CCDC92: variants seen among roughly 807,000 people sequenced by gnomAD.
The protein encoded by CCDC92 is coiled-coil domain-containing protein 92.
A neutral mutation model predicts 24.9 loss-of-function variants in CCDC92; 12 were observed. That is an observed-to-expected ratio of 0.48 (90% confidence interval 0.31 to 0.78). The LOEUF is 0.78. CCDC92 is among the 30% of genes least tolerant of loss of function. The probability of loss-of-function intolerance (pLI) is 0.05; values close to 1 mark genes in which losing one functional copy is unlikely to be tolerated. For synonymous variants in CCDC92, 193 were observed against 196.3 expected (o/e 0.98, Z 0.14); for missense variants, 399 against 439.4 (o/e 0.91, Z 0.82).
chr12:123,968,914 C>T (rs1320630597), intron 1 of CCDC92, among the ~76,000 whole-genome samples: 1 of 152,056 alleles, frequency 6.6e-6, no homozygotes, highest in Non-Finnish European at 1.5e-5. Context: ...TTGTTTTTTC[C>T]TCTTCTTCCT....
At chr12:123,960,133 T>G (rs1441553859) in intron 1 of CCDC92, among the ~76,000 whole-genome samples, 1 of 152,246 alleles carries the variant, frequency 6.6e-6, no homozygotes, top group Non-Finnish European at 1.5e-5. Context: ...ACAAGGACTT[T>G]TCTGTCTTGT....
intron 1 of CCDC92, among the ~76,000 whole-genome samples, chr12:123,960,471 G>A (rs1212427999): frequency 6.6e-6 from 1 of 152,180 alleles, no homozygotes; most frequent in African/African-American, 2.4e-5. Flanking sequence ...ATCTTCTCTG[G>A]TGCAGCTTAC....
At chr12:123,951,041 C>T (rs922704360) in intron 1 of CCDC92, among the ~76,000 whole-genome samples, 3 of 152,196 alleles carry the variant, frequency 2.0e-5, no homozygotes, top group African/African-American at 4.8e-5. Context: ...CCCTCCAACA[C>T]GGGGCCTTTG....
At chr12:123,954,673 A>C (rs541129408) in intron 1 of CCDC92, among the ~76,000 whole-genome samples, 1 of 152,354 alleles carries the variant, frequency 6.6e-6, no homozygotes. Context: ...TGCCTCATGA[A>C]GAAAGCAAGT....
In CCDC92 at chr12:123,937,062, A is replaced by G; in HGVS notation, c.992T>C (p.Val331Ala). 1.9e-6 allele frequency: 3 copies of G among 1,613,882 alleles called. No homozygotes were observed. The highest frequency in any genetic ancestry group is 2.5e-6 in the Non-Finnish European group (3 of 1,179,976). ...CGGGGTGGGGCACGGCGGGCTTCAC[A>G]CAGTTCTGTCCGTCCCTGAGTGCTT... is the stretch of plus-strand genomic sequence containing the variant. ...VRKHSGTDRT[V>A] Residue 331 changes from valine to alanine, a missense_variant, in exon 5 of 5, where the codon GTG becomes GCG. Coordinates refer to ENST00000238156, the MANE Select transcript of CCDC92 (RefSeq NM_025140.3). The surrounding 1 kb of genome is among the most constrained non-coding windows in gnomAD (Gnocchi z 8.4).
chr12:123,954,180 G>C (rs1211434630), intron 1 of CCDC92, among the ~76,000 whole-genome samples: 1 of 152,118 alleles, frequency 6.6e-6, no homozygotes, highest in Non-Finnish European at 1.5e-5. Context: ...ATCTTGGATT[G>C]CTAAAATTGT....
At chr12:123,962,804 C>A (rs1304809813) in intron 1 of CCDC92, 1 of 152,082 alleles carries the variant, frequency 6.6e-6, no homozygotes, top group Non-Finnish European at 1.5e-5. Context: ...TTTTTTTTCC[C>A]TCAGAGAATC....
intron 1 of CCDC92, among the ~76,000 whole-genome samples, chr12:123,950,106 G>C (rs897194415): frequency 6.6e-6 from 1 of 152,222 alleles, no homozygotes; most frequent in Non-Finnish European, 1.5e-5. Flanking sequence ...ACCAATAAAT[G>C]CATCTAAGCC....
At chr12:123,947,479 A>G in intron 1 of CCDC92, among the ~76,000 whole-genome samples, 1 of 152,176 alleles carries the variant, frequency 6.6e-6, no homozygotes, top group South Asian at 2.1e-4. Flanking sequence ...TTGTAAATAC[A>G]CCAATTGGCA....
chr12:123,957,699 CTTTTTTTTTTTTT>C (rs59738995), intron 1 of CCDC92, among the ~76,000 whole-genome samples: 1 of 75,922 alleles, frequency 1.3e-5, no homozygotes, highest in African/African-American at 5.1e-5. Context: ...TTTTTTCCTT[CTTTTTTTTTTTTT>C]TTTTTTTTTT....
At chr12:123,949,616 C>T (rs981473355) in intron 1 of CCDC92, among the ~76,000 whole-genome samples, 1 of 152,248 alleles carries the variant, frequency 6.6e-6, no homozygotes, top group Non-Finnish European at 1.5e-5. Context: ...AATAGGTTAC[C>T]TTGATCAGGG....
At chr12:123,965,139 T>C (rs1284849506) in intron 1 of CCDC92, among the ~76,000 whole-genome samples, 5 of 152,256 alleles carry the variant, frequency 3.3e-5, no homozygotes, top group Non-Finnish European at 5.9e-5. Context: ...GGACACCTGA[T>C]ATGTTTGATA....
intron 1 of CCDC92, chr12:123,945,554 C>T (rs1303951714): frequency 1.3e-5 from 2 of 152,248 alleles, no homozygotes; most frequent in Admixed American, 1.3e-4. Context: ...CCTTCCCTCA[C>T]AAAGCAGAAC....
intron 1 of CCDC92, among the ~76,000 whole-genome samples, chr12:123,953,238 T>G (rs920542614): frequency 1.6e-5 from 2 of 126,816 alleles, no homozygotes; most frequent in Middle Eastern, 4.5e-3. Context: ...AAAACTCCAG[T>G]AGCAACCAAA....
Position 123,937,469 on chromosome 12 carries a change from T to C in CCDC92, c.585A>G (p.Lys195=). Reference sequence around the variant, plus strand: ...GGCGAGGCGTTTCGGGTAGCTTGTCTTTGGGGGGCGCTGGCTTGTAGCTGG... The same window carrying C: ...GGCGAGGCGTTTCGGGTAGCTTGTCCTTGGGGGGCGCTGGCTTGTAGCTGG... ...VLASYKPAPP[K]DKLPETPRRR... Residue 195 remains lysine (K), a synonymous_variant, in exon 5 of 5, where the codon AAA becomes AAG. Coordinates refer to ENST00000238156, the MANE Select transcript of CCDC92 (RefSeq NM_025140.3). The surrounding 1 kb of genome is among the most constrained non-coding windows in gnomAD (Gnocchi z 8.4). 1 of 1,613,258 alleles carries C rather than the reference T, an allele frequency of 6.2e-7. No individual in the cohort carries two copies. Among genetic ancestry groups the C allele is most frequent in the Non-Finnish European group, 8.5e-7 (1 of 1,179,996 alleles).
At chr12:123,943,125 T>C (rs989740137) in intron 3 of CCDC92, among the ~76,000 whole-genome samples, 1 of 152,210 alleles carries the variant, frequency 6.6e-6, no homozygotes, top group African/African-American at 2.4e-5. Flanking sequence ...ATTCTAACCA[T>C]TGTATTTTAA....
intron 1 of CCDC92, among the ~76,000 whole-genome samples, chr12:123,950,161 C>T (rs1470173972): frequency 6.6e-6 from 1 of 152,244 alleles, no homozygotes; most frequent in Non-Finnish European, 1.5e-5. Flanking sequence ...ACAATCCTGA[C>T]GTCTGGGGCA....
chr12:123,950,421 C>T (rs955807435), intron 1 of CCDC92, among the ~76,000 whole-genome samples: 1 of 152,184 alleles, frequency 6.6e-6, no homozygotes. Flanking sequence ...AAAGGCACTG[C>T]CGACCACCCA....
chr12:123,965,238 C>T (rs1956364259), intron 1 of CCDC92, among the ~76,000 whole-genome samples: 1 of 152,078 alleles, frequency 6.6e-6, no homozygotes. Context: ...ACGTGTGCAT[C>T]GAGATATAGT....
Sources: allele counts gnomAD v4.1 joint callset (sites outside exome capture counted in the v4.1 genomes callset), GRCh38; gene constraint gnomAD v4.1.1; non-coding constraint Gnocchi (gnomAD v3.1); transcripts MANE v1.5; gene names NCBI Gene and HGNC (gene_info 2026-07-23, HGNC 2026-07-21).